Variants in NID2 observed in about 807,000 individuals in gnomAD.
The protein encoded by NID2 is nidogen 2.
Under a neutral mutation model 145.4 loss-of-function variants are expected in NID2, and 83 were observed. The ratio of observed to expected loss-of-function variants is 0.57; its 90% CI spans 0.48 to 0.69. The LOEUF (loss-of-function observed/expected upper bound fraction) is 0.69, where lower values mean the gene tolerates loss of function less well. NID2 is among the 30% of genes least tolerant of loss of function. The pLI is 0.00. For synonymous variants in NID2, 739 were observed against 701.3 expected, an observed-to-expected ratio of 1.05 and a Z score of -0.85; for missense variants, 1,807 against 1,765.7, an observed-to-expected ratio of 1.02 and a Z score of -0.42.
chr14:52,061,362 A>G (rs1893015473), intron 2 of NID2, among the ~76,000 whole-genome samples: 1 of 152,192 alleles, frequency 6.6e-6, no homozygotes, highest in Non-Finnish European at 1.5e-5. Flanking sequence ...TGTAAACACC[A>G]TTCATTTATT....
At chr14:52,049,357 C>A (rs1367951510) in intron 5 of NID2, among the ~76,000 whole-genome samples, 1 of 152,122 alleles carries the variant, frequency 6.6e-6, no homozygotes, top group East Asian at 1.9e-4. Context: ...TTGTTCTGAG[C>A]CATCTTTCAA....
Position 52,040,511 on chromosome 14 carries a change from G to C in NID2, c.2026+140C>G, listed in dbSNP as rs111677598. The C allele has an allele frequency of 3.3e-4, 228 of 700,472 alleles. 1 individual carries two copies. Among genetic ancestry groups the C allele is most frequent in the African/African-American group, 3.2e-3 (185 of 56,936 alleles). 43.4% of individuals were successfully genotyped at this position (700,472 alleles called of 1,614,324 possible). The stretch of plus-strand genomic sequence containing the variant: ...ACGATATATTTCATGGTAACAATAA[G>C]AGTAATAACATAATAGAGCTCATTT... On this transcript the variant is annotated intron_variant, in intron 8 of 21. Coordinates refer to ENST00000216286, the MANE Select transcript of NID2 (RefSeq NM_007361.4).
intron 17 of NID2, among the ~76,000 whole-genome samples, chr14:52,011,293 C>T (rs771334356): frequency 3.3e-5 from 5 of 152,176 alleles, no homozygotes; most frequent in African/African-American, 4.8e-5. Context: ...CAGAGCCAGG[C>T]TGAATAAACG....
At chr14:52,048,817 C>T (rs1452592853) in intron 5 of NID2, among the ~76,000 whole-genome samples, 2 of 152,152 alleles carry the variant, frequency 1.3e-5, no homozygotes, top group East Asian at 1.9e-4. Flanking sequence ...TGGGCAGAGG[C>T]CTGGAGGTGT....
chr14:52,015,389 G>C (rs75576574), intron 14 of NID2, 114 bp from the exon 15 acceptor site: 14,392 of 997,746 alleles, frequency 0.014, 173 homozygotes, highest in Non-Finnish European at 0.015. Context: ...TTCTCCTACT[G>C]TCCAGGTCTC....
rs1566737130 is a variant in NID2, at chr14:52,005,816, G to C, written c.4038C>G (p.Gly1346=). The C allele has an allele frequency of 6.2e-7, 1 of 1,613,504 alleles. No homozygotes were observed. Among genetic ancestry groups the C allele is most frequent in the South Asian group, 1.1e-5 (1 of 91,072 alleles). ...DGVVSVNKHS[G]QFTDEYLPEQ... ...CTGGGAGATACTCATCAGTAAACTG[G>C]CCACTATGTTTATTTACTGATACAA... Residue 1346 remains glycine (G), a synonymous_variant, in exon 21 of 22, where the codon GGC becomes GGG. Transcript: ENST00000216286.
At chr14:52,032,768 G>A (rs1030834199) in intron 9 of NID2, among the ~76,000 whole-genome samples, 16 of 140,826 alleles carry the variant, frequency 1.1e-4, no homozygotes, top group African/African-American at 4.0e-4. Context: ...TGTTCACATG[G>A]ACATCAAGAG....
chr14:52,015,850 A>G (rs576550464), intron 14 of NID2, among the ~76,000 whole-genome samples: 151 of 152,196 alleles, frequency 9.9e-4, no homozygotes, highest in Non-Finnish European at 1.6e-3. Context: ...CTGTCTACCC[A>G]CTGGAAAACT....
In NID2 at chr14:52,011,555, T is replaced by C. The variant is rs1336176185; in HGVS notation, c.3549A>G (p.Ser1183=). The C allele has an allele frequency of 6.2e-7, 1 of 1,614,024 alleles. No homozygotes were observed. Among genetic ancestry groups the C allele is most frequent in the East Asian group, 2.2e-5 (1 of 44,900 alleles). ...AGACTGCTGAGTGAAGCTGCTGACC[T>C]GAATTCACGATCGTCTCAGGCTCTG... ...LGAEPETIVN[S]GLISPEGLAI... The change falls in exon 17 of 22, where the codon TCA becomes TCG. Residue 1183 remains serine, a splice_region_variant and synonymous_variant. Transcript: ENST00000216286.
chr14:52,021,003 A>G (rs182988342), intron 12 of NID2, among the ~76,000 whole-genome samples: 9 of 149,130 alleles, frequency 6.0e-5, no homozygotes, highest in Non-Finnish European at 1.5e-5. Flanking sequence ...CAAGTCACCC[A>G]CCCCTCCCAT....
chr14:52,046,323 A>AC, intron 5 of NID2, among the ~76,000 whole-genome samples: 1 of 3,292 alleles, frequency 3.0e-4, no homozygotes, highest in African/African-American at 1.9e-3. Flanking sequence ...ACTCCATCTC[A>AC]AAAAAAAAAA....
chr14:52,008,652 C>T (rs1890888009), intron 18 of NID2: 1 of 152,162 alleles, frequency 6.6e-6, no homozygotes, highest in African/African-American at 2.4e-5. Flanking sequence ...CCAAGATACC[C>T]CTTGACTCAA....
intron 2 of NID2, among the ~76,000 whole-genome samples, chr14:52,062,740 G>T (rs1893054858): frequency 6.6e-6 from 1 of 152,178 alleles, no homozygotes; most frequent in Admixed American, 6.5e-5. Flanking sequence ...AAGGGGGGAA[G>T]AGAGTAGTAA....
In NID2 at chr14:52,005,419, G is replaced by GCAGT; in HGVS notation, c.*63_*66dup. The GCAGT allele has an allele frequency of 1.4e-6, 2 of 1,431,512 alleles. No homozygotes were observed. The highest frequency in any genetic ancestry group is 1.9e-6 in the Non-Finnish European group (2 of 1,069,766). The allele number at this position is 1,431,512 out of a possible 1,614,324, so 88.7% of individuals were successfully genotyped here. ...TTCCTTTTTTACTTTCTTTGCCTTTGCAGTCACTGTTCTTTAGGGTCCAGG... is the reference window on the plus strand; with the variant it reads ...TTCCTTTTTTACTTTCTTTGCCTTTGCAGTCAGTCACTGTTCTTTAGGGTCCAGG... On this transcript the variant is annotated 3_prime_UTR_variant, in exon 22 of 22. Coordinates refer to ENST00000216286, the MANE Select transcript of NID2 (RefSeq NM_007361.4).
intron 5 of NID2, among the ~76,000 whole-genome samples, chr14:52,050,007 T>C (rs1892636059): frequency 6.6e-6 from 1 of 152,144 alleles, no homozygotes; most frequent in Non-Finnish European, 1.5e-5. Context: ...AGGGTGGAAG[T>C]TGAGCTTGCA....
intron 12 of NID2, among the ~76,000 whole-genome samples, chr14:52,025,977 A>G (rs1157147744): frequency 6.6e-6 from 1 of 152,262 alleles, no homozygotes; most frequent in Non-Finnish European, 1.5e-5. Flanking sequence ...TTCAGCATAA[A>G]TTGTTCGAGA....
rs542422139 is a variant in NID2 at position 52,048,677 on chromosome 14, T to C, written c.1429+4902A>G. Reference sequence around the variant, plus strand: ...TCTTCTGGCTCTAAATCCCATCAAATTGAGGGGGCATCAGAATCACTGAAG... The same window carrying C: ...TCTTCTGGCTCTAAATCCCATCAAACTGAGGGGGCATCAGAATCACTGAAG... On this transcript the variant is annotated intron_variant, in intron 5 of 21. Transcript: ENST00000216286. 2.0e-5 allele frequency among the ~76,000 whole-genome samples: 3 copies of C among 152,154 alleles called. No homozygotes were observed. In the South Asian group the frequency reaches 6.2e-4, roughly 32 times the overall value.
Position 52,040,775 on chromosome 14 carries a change from C to T in NID2, c.1902G>A (p.Glu634=), listed in dbSNP as rs778613242. The T allele has an allele frequency of 1.9e-6, 3 of 1,614,178 alleles. No individual in the cohort carries two copies. The South Asian group carries it at 3.3e-5, about 18-fold the overall frequency. The change falls in exon 8 of 22, where the codon GAG becomes GAA. Residue 634 remains glutamate, a synonymous_variant. Transcript: ENST00000216286. Reference sequence around the variant, plus strand: ...TCAGGTAGTTCTCTGGGTCAAGTCCCTCAGCAGTTTGAGTGATACGAACCG... The same window carrying T: ...TCAGGTAGTTCTCTGGGTCAAGTCCTTCAGCAGTTTGAGTGATACGAACCG... ...EETVRITQTA[E]GLDPENYLSI... is the part of the protein sequence containing the mutation.
intron 20 of NID2, 105 bp downstream of exon 20, chr14:52,006,432 G>T: frequency 1.5e-6 from 2 of 1,307,054 alleles, no homozygotes; most frequent in Non-Finnish European, 2.1e-6. Flanking sequence ...AAAAGCCTCA[G>T]AGGGCTTAAT....
Sources: gnomAD v4.1 joint callset for allele counts (sites outside exome capture counted in the v4.1 genomes callset) on GRCh38, gnomAD v4.1.1 for gene constraint, MANE v1.5 for transcripts, NCBI Gene and HGNC (gene_info 2026-07-23, HGNC 2026-07-21) for gene names.